The following ATP6V1C2 variants were observed in gnomAD, a reference collection of about 807,000 sequenced individuals.
ATP6V1C2 encodes the protein V-type proton ATPase subunit C 2.
ATP6V1C2 carries 45 observed loss-of-function variants against 56.8 expected under a neutral mutation model. That is an observed-to-expected ratio of 0.79 (90% CI 0.62 to 1.02). The LOEUF is 1.02. Ranked by LOEUF, ATP6V1C2 falls within the 50% of genes least tolerant of loss-of-function variation. The pLI is 0.00. For synonymous variants in ATP6V1C2, 220 were observed against 201.3 expected (o/e 1.09, Z -0.79); for missense variants, 463 against 519.7 (o/e 0.89, Z 1.06).
At chr2:10,724,128 G>T (rs996801271) in intron 2 of ATP6V1C2, among the ~76,000 whole-genome samples, 1 of 152,086 alleles carries the variant, frequency 6.6e-6, no homozygotes. Flanking sequence ...AGGTTTCCAC[G>T]GGGAAGACAC....
intron 5 of ATP6V1C2, chr2:10,768,106 CA>C (rs1664347407): frequency 6.6e-6 from 1 of 152,600 alleles, no homozygotes; most frequent in South Asian, 2.1e-4. Flanking sequence ...GGCTGGTTGT[CA>C]AAGCTGGTGG....
intron 3 of ATP6V1C2, among the ~76,000 whole-genome samples, chr2:10,742,758 A>T: frequency 6.6e-6 from 1 of 152,132 alleles, no homozygotes; most frequent in East Asian, 1.9e-4. Flanking sequence ...CAGGGTTTAG[A>T]AATCAGCAGG....
intron 2 of ATP6V1C2, among the ~76,000 whole-genome samples, chr2:10,726,067 C>T (rs577772432): frequency 5.3e-4 from 81 of 152,068 alleles, no homozygotes; most frequent in African/African-American, 1.7e-3. Flanking sequence ...GCAACAAGAG[C>T]GAAACTCCAT....
intron 13 of ATP6V1C2, 63 bp downstream of exon 13, chr2:10,782,438 G>A: frequency 6.4e-7 from 1 of 1,569,470 alleles, no homozygotes; most frequent in Admixed American, 1.7e-5. Flanking sequence ...CAAAAAACTG[G>A]TATCTGCCTG....
chr2:10,783,531 G>GT lies in ATP6V1C2; in HGVS notation c.*269dup, dbSNP rs1665527302. 5.9e-6 allele frequency: 2 copies of GT among 336,328 alleles called. No homozygotes were observed. Among genetic ancestry groups the GT allele is most frequent in the Admixed American group, 4.6e-5 (1 of 21,684 alleles). The allele number at this position is 336,328 out of a possible 1,614,324, so 20.8% of individuals were successfully genotyped here. ...CTGTTCGCATTGGTAACCTGCTGCT[G>GT]TATTTCATGTCTTAACGGCTATTTT... On this transcript the variant is annotated 3_prime_UTR_variant, in exon 14 of 14. Coordinates refer to ENST00000272238, the MANE Select transcript of ATP6V1C2 (RefSeq NM_001039362.2).
At chr2:10,726,066 G>A (rs936123327) in intron 2 of ATP6V1C2, among the ~76,000 whole-genome samples, 3 of 152,092 alleles carry the variant, frequency 2.0e-5, no homozygotes, top group South Asian at 2.1e-4. Context: ...GGCAACAAGA[G>A]CGAAACTCCA....
intron 3 of ATP6V1C2, among the ~76,000 whole-genome samples, chr2:10,739,632 G>A (rs1417631824): frequency 3.3e-5 from 5 of 152,108 alleles, no homozygotes; most frequent in Non-Finnish European, 5.9e-5. Context: ...CAGCCAGCCC[G>A]GTCCCTCTAG....
intron 3 of ATP6V1C2, among the ~76,000 whole-genome samples, chr2:10,742,433 C>A (rs1440675225): frequency 6.6e-6 from 1 of 152,134 alleles, no homozygotes. Flanking sequence ...AGGGCAGAAA[C>A]CCTGGAGACA....
chr2:10,753,984 C>T lies in ATP6V1C2; in HGVS notation c.201C>T (p.Leu67=), dbSNP rs776234930. ...TCTTTTTCTTCTCTCTCCAAAGCCT[C>T]ATAAGGAGAATGGCTCAGAGCGTGG... ...LGKLDTFAES[L]IRRMAQSVVE... The change falls in exon 4 of 14, where the codon CTC becomes CTT. Residue 67 remains leucine (L), a synonymous_variant. Transcript: ENST00000272238. The T allele has an allele frequency of 3.1e-6, 5 of 1,603,574 alleles. No homozygotes were observed. The East Asian group carries it at 1.1e-4, about 36-fold the overall frequency.
In ATP6V1C2 at chr2:10,777,716, G is replaced by A. The variant is rs758499939; in HGVS notation, c.957G>A (p.Glu319=). 6.2e-7 allele frequency: 1 copy of A among 1,610,440 alleles called. No individual in the cohort carries two copies. Among genetic ancestry groups the A allele is most frequent in the Non-Finnish European group, 8.5e-7 (1 of 1,178,988 alleles). ...QTDRERESEG[E]GEGPLLRWLK... ...ACAGAGAGAGAGAGAGTGAGGGCGAGGGTGAGGTAAGCAACGCCCCGGGAA... is the reference window on the plus strand; with the variant it reads ...ACAGAGAGAGAGAGAGTGAGGGCGAAGGTGAGGTAAGCAACGCCCCGGGAA... Residue 319 remains glutamate, a synonymous_variant, in exon 11 of 14, where the codon GAG becomes GAA. Coordinates refer to ENST00000272238, the MANE Select transcript of ATP6V1C2 (RefSeq NM_001039362.2).
At chr2:10,777,147 C>T (rs1665042757) in intron 10 of ATP6V1C2, among the ~76,000 whole-genome samples, 1 of 152,266 alleles carries the variant, frequency 6.6e-6, no homozygotes, top group African/African-American at 2.4e-5. Flanking sequence ...CCCAACTCAT[C>T]TCCTGCACTC....
At chr2:10,756,168 C>T (rs1488143713) in intron 4 of ATP6V1C2, among the ~76,000 whole-genome samples, 1 of 152,088 alleles carries the variant, frequency 6.6e-6, no homozygotes, top group African/African-American at 2.4e-5. Context: ...ACCAGCCCAG[C>T]CAACATGGTG....
intron 3 of ATP6V1C2, among the ~76,000 whole-genome samples, chr2:10,742,708 A>T (rs1341443917): frequency 6.6e-6 from 1 of 151,680 alleles, no homozygotes; most frequent in Admixed American, 6.6e-5. Context: ...GCCATCCTCT[A>T]CCCCAGGGCC....
At chr2:10,752,488 A>C (rs1188541200) in intron 3 of ATP6V1C2, among the ~76,000 whole-genome samples, 1 of 152,190 alleles carries the variant, frequency 6.6e-6, no homozygotes, top group Non-Finnish European at 1.5e-5. Context: ...GTGGAGAGAG[A>C]GCCTGAGGCA....
intron 3 of ATP6V1C2, among the ~76,000 whole-genome samples, chr2:10,732,255 CTCTTTCTCTCTT>C (rs369129088): frequency 1.3e-4 from 19 of 151,978 alleles, no homozygotes; most frequent in African/African-American, 4.6e-4. Flanking sequence ...CTTTCTCTCA[CTCTTTCTCTCTT>C]TCTTTCTTTT....
intron 3 of ATP6V1C2, among the ~76,000 whole-genome samples, chr2:10,746,047 TTTTG>T (rs980890988): frequency 1.3e-5 from 2 of 152,160 alleles, no homozygotes; most frequent in African/African-American, 2.4e-5. Context: ...TTTTGGTTAT[TTTTG>T]TTTGTTTGTT....
intron 10 of ATP6V1C2, among the ~76,000 whole-genome samples, chr2:10,776,175 C>T (rs1208632726): frequency 6.6e-6 from 1 of 152,120 alleles, no homozygotes; most frequent in South Asian, 2.1e-4. Flanking sequence ...GTCTGTTTCC[C>T]TTTAGGGAGG....
chr2:10,746,203 T>G (rs552931527), intron 3 of ATP6V1C2, among the ~76,000 whole-genome samples: 2 of 152,310 alleles, frequency 1.3e-5, no homozygotes, highest in South Asian at 4.1e-4. Flanking sequence ...TTTCACCATG[T>G]GGGCCAGGCT....
At chr2:10,750,173 G>A (rs749892974) in intron 3 of ATP6V1C2, among the ~76,000 whole-genome samples, 10 of 152,140 alleles carry the variant, frequency 6.6e-5, no homozygotes, top group East Asian at 1.9e-4. Context: ...ATTCTGAGAC[G>A]TTTCTGGTGT....
Sources: allele counts gnomAD v4.1 joint callset (sites outside exome capture counted in the v4.1 genomes callset), GRCh38; gene constraint gnomAD v4.1.1; transcripts MANE v1.5; gene names NCBI Gene and HGNC (gene_info 2026-07-23, HGNC 2026-07-21).